TLE3: variants seen among roughly 807,000 people sequenced by gnomAD.
The protein encoded by TLE3 is TLE family member 3, transcriptional corepressor.
Under a neutral mutation model 93.0 loss-of-function variants are expected in TLE3, and 14 were observed. The ratio of observed to expected loss-of-function variants is 0.15; its 90% CI spans 0.10 to 0.24. TLE3 has a LOEUF of 0.24. TLE3 is among the 10% of genes least tolerant of loss of function. The pLI, the probability that TLE3 is intolerant of heterozygous loss-of-function variation, is 1.00. For synonymous variants in TLE3, 451 were observed against 425.0 expected, an observed-to-expected ratio of 1.06 and a Z score of -0.75; for missense variants, 693 against 1,046.6, an observed-to-expected ratio of 0.66 and a Z score of 4.66.
chr15:70,095,263 C>T, intron 3 of TLE3: 2 of 1,252,604 alleles, frequency 1.6e-6, no homozygotes, highest in Non-Finnish European at 2.0e-6. Flanking sequence ...ATCTTACTAG[C>T]CAAGATAGGG....
At chr15:70,080,063 GA>G (rs35291213) in intron 4 of TLE3, among the ~76,000 whole-genome samples, 78,379 of 143,820 alleles carry the variant, frequency 0.54, 20,895 homozygotes, top group African/African-American at 0.57. Context: ...TCCAAAAAAG[GA>G]AAAAAAAAAA....
At chr15:70,051,059 C>T in intron 19 of TLE3, 1 of 183,202 alleles carries the variant, frequency 5.5e-6, no homozygotes, top group South Asian at 1.2e-4. Context: ...GCCCAGCGCA[C>T]CTCCCGCAGG....
intron 10 of TLE3, among the ~76,000 whole-genome samples, chr15:70,059,195 G>A (rs1056033949): frequency 6.6e-6 from 1 of 152,096 alleles, no homozygotes; most frequent in African/African-American, 2.4e-5. Context: ...GAGACCCATT[G>A]CAGGAGGCCC....
intron 4 of TLE3, among the ~76,000 whole-genome samples, chr15:70,087,343 C>G (rs908257256): frequency 2.2e-4 from 34 of 152,210 alleles, no homozygotes; most frequent in African/African-American, 8.2e-4. Flanking sequence ...TGCTTTTATC[C>G]TGGTGTCTGT....
chr15:70,056,408 C>G, intron 13 of TLE3, 34 bp from the exon 14 acceptor site: 1 of 1,594,244 alleles, frequency 6.3e-7, no homozygotes. Flanking sequence ...CTCCATCAGC[C>G]GTGCTGCCAC....
chr15:70,053,857 A>C, intron 16 of TLE3: 1 of 159,592 alleles, frequency 6.3e-6, no homozygotes, highest in Non-Finnish European at 1.4e-5. Context: ...TGCATGAACT[A>C]TGGGGCTGAG....
chr15:70,083,885 C>T (rs1168822269), intron 4 of TLE3, among the ~76,000 whole-genome samples: 1 of 152,022 alleles, frequency 6.6e-6, no homozygotes, highest in Non-Finnish European at 1.5e-5. Flanking sequence ...AGAGACAGAG[C>T]CCCATTCTAT....
At chr15:70,063,142 T>G (rs1041098661) in intron 8 of TLE3, among the ~76,000 whole-genome samples, 1 of 152,144 alleles carries the variant, frequency 6.6e-6, no homozygotes, top group Non-Finnish European at 1.5e-5. Flanking sequence ...GCTGAGAGGT[T>G]GGTCAAGCAG....
intron 14 of TLE3, 199 bp from the exon 15 acceptor site, chr15:70,055,497 G>C: frequency 1.7e-6 from 1 of 589,682 alleles, no homozygotes; most frequent in Non-Finnish European, 2.7e-6. Flanking sequence ...GACCAGCTTT[G>C]ATTTTTACAC....
Position 70,057,465 on chromosome 15 carries a change from A to T in TLE3, c.1245T>A (p.Phe415Leu). The change falls in exon 13 of 20, where the codon TTT becomes TTA. Residue 415 changes from phenylalanine (F) to leucine (L), a missense_variant. Phe to Leu is a conservative substitution (Grantham distance 22). This residue lies in a region of TLE3 where 405 missense variants were observed against 468.9 expected (regional missense o/e 0.86). Coordinates refer to ENST00000451782, the MANE Select transcript of TLE3 (RefSeq NM_001105192.3). The stretch of plus-strand genomic sequence containing the variant: ...AGCCAAAAGGTCTACGTACAGCTCC[A>T]AAGCTCACCATTGGCGATCGGCCAT... ...AAYGRSPMVS[F>L]GAVGFDPHPP... The T allele has an allele frequency of 1.9e-6, 3 of 1,600,956 alleles. No homozygotes were observed. The highest frequency in any genetic ancestry group is 2.6e-6 in the Non-Finnish European group (3 of 1,173,946).
chr15:70,071,866 C>T (rs2057189648), intron 6 of TLE3, among the ~76,000 whole-genome samples: 1 of 152,190 alleles, frequency 6.6e-6, no homozygotes, highest in African/African-American at 2.4e-5. Context: ...CCCCGTTATC[C>T]TTCTTCACCT....
intron 4 of TLE3, among the ~76,000 whole-genome samples, chr15:70,092,891 T>C (rs1187764376): frequency 6.6e-6 from 1 of 152,068 alleles, no homozygotes; most frequent in Non-Finnish European, 1.5e-5. Flanking sequence ...CAATAACTGC[T>C]GCTATAAATT....
chr15:70,058,843 A>G lies in TLE3; in HGVS notation c.766-28T>C, dbSNP rs756500656. On this transcript the variant is annotated intron_variant, in intron 10 of 19. Transcript: ENST00000451782. The surrounding 1 kb of genome is among the most constrained non-coding windows in gnomAD (Gnocchi z 4.1). The stretch of plus-strand genomic sequence containing the variant: ...GAAAACACAAGTGATGCAGAGATGC[A>G]CTGAAAGCAACAGCCAGCCTCGAGG... 4.5e-5 allele frequency: 69 copies of G among 1,526,098 alleles called. No individual in the cohort carries two copies. The highest frequency in any genetic ancestry group is 6.1e-5 in the Non-Finnish European group (69 of 1,138,452). The allele number at this position is 1,526,098 out of a possible 1,614,324, so 94.5% of individuals were successfully genotyped here.
At chr15:70,057,214 G>A (rs559525443) in intron 13 of TLE3, among the ~76,000 whole-genome samples, 4 of 152,346 alleles carry the variant, frequency 2.6e-5, no homozygotes, top group East Asian at 3.9e-4. Flanking sequence ...TAAAAGGGAG[G>A]CTGCCTTGCA....
At chr15:70,064,224 T>C (rs1595902824) in intron 8 of TLE3, among the ~76,000 whole-genome samples, 1 of 152,310 alleles carries the variant, frequency 6.6e-6, no homozygotes, top group Admixed American at 6.5e-5. Flanking sequence ...TAGCTACCCC[T>C]CACCCTGCCA....
chr15:70,058,599 G>T lies in TLE3; in HGVS notation c.918+64C>A. On this transcript the variant is annotated intron_variant, in intron 11 of 19. Coordinates refer to ENST00000451782, the MANE Select transcript of TLE3 (RefSeq NM_001105192.3). This position sits in a 1 kb window ranked among gnomAD's most constrained non-coding sequence, Gnocchi z 4.1. Reference sequence around the variant, plus strand: ...ACTCCACCCCTCTGCCTGCCAATCGGCACCACCCCAGCTCCAGTCCCTGCC... The same window carrying T: ...ACTCCACCCCTCTGCCTGCCAATCGTCACCACCCCAGCTCCAGTCCCTGCC... The T allele has an allele frequency of 6.7e-7, 1 of 1,502,680 alleles. No individual in the cohort carries two copies. 93.1% of individuals were successfully genotyped at this position (1,502,680 alleles called of 1,614,324 possible).
intron 4 of TLE3, among the ~76,000 whole-genome samples, chr15:70,092,063 G>A (rs1782857553): frequency 6.7e-6 from 1 of 148,758 alleles, no homozygotes; most frequent in South Asian, 2.1e-4. Flanking sequence ...GCAGGACACT[G>A]CATGAATAAT....
At chr15:70,089,148 G>A (rs1478140868) in intron 4 of TLE3, among the ~76,000 whole-genome samples, 2 of 152,180 alleles carry the variant, frequency 1.3e-5, no homozygotes, top group Non-Finnish European at 2.9e-5. Context: ...CTCGGCTGCC[G>A]ACTTCTGCCT....
chr15:70,077,983 A>G (rs1231665716), intron 4 of TLE3, among the ~76,000 whole-genome samples: 1 of 152,230 alleles, frequency 6.6e-6, no homozygotes, highest in African/African-American at 2.4e-5. Flanking sequence ...TTTCTCAAAC[A>G]CCATGCTATT....
Sources: gnomAD v4.1 joint callset for allele counts (sites outside exome capture counted in the v4.1 genomes callset) on GRCh38, gnomAD v4.1.1 for gene constraint, gnomAD v4.1.1 regional missense constraint, Gnocchi (gnomAD v3.1) non-coding constraint, MANE v1.5 for transcripts, NCBI Gene and HGNC (gene_info 2026-07-23, HGNC 2026-07-21) for gene names.